The following DNAJC5B variants were observed in gnomAD, a reference collection of about 807,000 sequenced individuals.
The protein encoded by DNAJC5B is dnaJ homolog subfamily C member 5B.
In DNAJC5B, 23 loss-of-function variants were observed where a neutral mutation model predicts 24.7. That is an observed-to-expected ratio of 0.93 (90% CI 0.67 to 1.32). The LOEUF (loss-of-function observed/expected upper bound fraction) is 1.32. Ranked by LOEUF, DNAJC5B falls within the 40% of genes most tolerant of loss-of-function variation. The probability of loss-of-function intolerance (pLI) is 0.00; values close to 1 mark genes in which losing one functional copy is unlikely to be tolerated. For missense variants in DNAJC5B, 238 were observed against 240.8 expected, an observed-to-expected ratio of 0.99 and a Z score of 0.08; for synonymous variants, 101 against 90.1, an observed-to-expected ratio of 1.12 and a Z score of -0.68.
chr8:66,020,467 T>A (rs556908594), upstream of DNAJC5B, among the ~76,000 whole-genome samples: 1 of 152,254 alleles, frequency 6.6e-6, no homozygotes, highest in East Asian at 1.9e-4. Flanking sequence ...GGGGTTAGCG[T>A]CTAGAAAAAG....
intron 3 of DNAJC5B, among the ~76,000 whole-genome samples, chr8:66,074,390 A>G (rs1411857629): frequency 6.6e-6 from 1 of 152,232 alleles, no homozygotes. Flanking sequence ...AGGGCTTTAG[A>G]TAATTATAAC....
chr8:66,050,078 T>C (rs1169009537), intron 2 of DNAJC5B, among the ~76,000 whole-genome samples: 1 of 152,244 alleles, frequency 6.6e-6, no homozygotes, highest in Non-Finnish European at 1.5e-5. Flanking sequence ...TTGAATATCT[T>C]AGTTTATCAC....
chr8:66,075,676 A>G (rs1422153302), intron 3 of DNAJC5B, among the ~76,000 whole-genome samples: 1 of 152,202 alleles, frequency 6.6e-6, no homozygotes, highest in Non-Finnish European at 1.5e-5. Context: ...GTTTAGGATT[A>G]GAATGGATTA....
At position 66,068,559 on chromosome 8, in the gene DNAJC5B, G is replaced by C. The variant is rs577513702; in HGVS notation, c.120-8101G>C. On this transcript the variant is annotated intron_variant, in intron 3 of 5. Transcript: ENST00000276570. ...GATAAAAACGAAGTTTCATTAACAA[G>C]AAAGAATTACAAAAGGATGAAAAAT... Among the ~76,000 whole-genome samples the C allele has an allele frequency of 2.9e-3, 447 of 151,768 alleles. 2 individuals carry two copies. Among genetic ancestry groups the C allele is most frequent in the African/African-American group, 0.01 (427 of 41,460 alleles).
At chr8:66,049,007 G>A (rs1806787629) in intron 2 of DNAJC5B, among the ~76,000 whole-genome samples, 1 of 152,210 alleles carries the variant, frequency 6.6e-6, no homozygotes, top group Non-Finnish European at 1.5e-5. Context: ...GTACTTCTCT[G>A]ACCCTGAACA....
At chr8:66,088,873 A>G (rs1807786418) in intron 5 of DNAJC5B, among the ~76,000 whole-genome samples, 1 of 152,320 alleles carries the variant, frequency 6.6e-6, no homozygotes, top group African/African-American at 2.4e-5. Flanking sequence ...GTCTCTAGAC[A>G]GTTCCAAACT....
chr8:66,063,205 G>A (rs76504475), intron 3 of DNAJC5B, among the ~76,000 whole-genome samples: 6,512 of 152,144 alleles, frequency 0.043, 456 homozygotes, highest in African/African-American at 0.15. Flanking sequence ...ATTATCTTCC[G>A]GTTCTGCAGA....
intron 5 of DNAJC5B, among the ~76,000 whole-genome samples, chr8:66,093,579 T>A (rs1807891147): frequency 6.6e-6 from 1 of 152,206 alleles, no homozygotes; most frequent in African/African-American, 2.4e-5. Context: ...TAAAATTATA[T>A]CATCTGCCTT....
the DNAJC5B span, among the ~76,000 whole-genome samples, chr8:66,016,296 G>C: frequency 1.3e-5 from 2 of 152,168 alleles, no homozygotes; most frequent in African/African-American, 4.8e-5. Flanking sequence ...CACATGTTGT[G>C]GGAGGGATCC....
At chr8:66,064,117 G>A (rs1425158141) in intron 3 of DNAJC5B, among the ~76,000 whole-genome samples, 1 of 152,200 alleles carries the variant, frequency 6.6e-6, no homozygotes, top group African/African-American at 2.4e-5. Context: ...TATAGTTAAG[G>A]AAATTGTCAG....
intron 3 of DNAJC5B, among the ~76,000 whole-genome samples, chr8:66,059,011 G>C (rs950745562): frequency 3.3e-5 from 5 of 152,314 alleles, no homozygotes; most frequent in African/African-American, 1.2e-4. Flanking sequence ...CTTTGGTGCT[G>C]CTGTTTAAAA....
chr8:66,053,485 A>G (rs1806896035), intron 3 of DNAJC5B, among the ~76,000 whole-genome samples: 1 of 152,266 alleles, frequency 6.6e-6, no homozygotes, highest in African/African-American at 2.4e-5. Context: ...TTTGCAAATT[A>G]CCAAAAATGA....
chr8:66,091,790 G>A (rs1247529898), intron 5 of DNAJC5B, among the ~76,000 whole-genome samples: 2 of 152,046 alleles, frequency 1.3e-5, no homozygotes, highest in East Asian at 3.9e-4. Flanking sequence ...GGTGAAAAAT[G>A]CAAAAATATA....
intron 5 of DNAJC5B, among the ~76,000 whole-genome samples, chr8:66,091,779 T>C (rs1368860199): frequency 6.6e-6 from 1 of 151,998 alleles, no homozygotes; most frequent in Non-Finnish European, 1.5e-5. Context: ...AGAGACTCCA[T>C]GGTGAAAAAT....
In DNAJC5B at chr8:66,051,605, C is replaced by T; in HGVS notation, c.58C>T (p.Leu20=). The T allele has an allele frequency of 6.2e-7, 1 of 1,614,096 alleles. No homozygotes were observed. The highest frequency in any genetic ancestry group is 8.5e-7 in the Non-Finnish European group (1 of 1,180,002). The part of the protein sequence containing the change: ...QRTLSTTGEA[L]YEILGLHKGA... ...GACTCTGTCAACAACAGGAGAAGCT[C>T]TATACGAAATTCTTGGTCTGCATAA... The change falls in exon 3 of 6, where the codon CTA becomes TTA. Residue 20 remains leucine (L), a synonymous_variant. Transcript: ENST00000276570.
chr8:66,054,049 T>C (rs550377815), intron 3 of DNAJC5B, among the ~76,000 whole-genome samples: 2 of 152,208 alleles, frequency 1.3e-5, no homozygotes, highest in Admixed American at 1.3e-4. Flanking sequence ...TTAGTCACAT[T>C]GCAAGCTGTT....
chr8:66,020,651 TG>T (rs1414513964), upstream of DNAJC5B, among the ~76,000 whole-genome samples: 3 of 123,262 alleles, frequency 2.4e-5, no homozygotes, highest in Non-Finnish European at 5.1e-5. Flanking sequence ...TGTGTGTGTG[TG>T]TTTTAGACAA....
At chr8:66,074,264 G>T (rs1202484306) in intron 3 of DNAJC5B, among the ~76,000 whole-genome samples, 1 of 152,176 alleles carries the variant, frequency 6.6e-6, no homozygotes, top group East Asian at 1.9e-4. Context: ...GGTAGAGAGT[G>T]GTAGGTAGCA....
intron 1 of DNAJC5B, among the ~76,000 whole-genome samples, chr8:66,041,699 A>C (rs184395473): frequency 2.8e-4 from 42 of 152,218 alleles, no homozygotes; most frequent in Non-Finnish European, 2.9e-5. Flanking sequence ...TGAATCAAGG[A>C]ATTGTTTAAT....
Sources: gnomAD v4.1 joint callset for allele counts (sites outside exome capture counted in the v4.1 genomes callset) on GRCh38, gnomAD v4.1.1 for gene constraint, MANE v1.5 for transcripts, NCBI Gene and HGNC (gene_info 2026-07-23, HGNC 2026-07-21) for gene names.